The following PLCG2 variants were observed in gnomAD, a reference collection of about 807,000 sequenced individuals.
PLCG2 encodes 1-phosphatidylinositol 4,5-bisphosphate phosphodiesterase gamma-2.
A neutral mutation model predicts 175.6 loss-of-function variants in PLCG2; 69 were observed. The ratio of observed to expected loss-of-function variants is 0.39; its 90% confidence interval spans 0.32 to 0.48. PLCG2 has a LOEUF of 0.48. PLCG2 is among the 20% of genes least tolerant of loss of function. PLCG2 has a pLI of 0.91. For missense variants in PLCG2, 1,798 were observed against 1,650.9 expected (o/e 1.09, Z -1.54); for synonymous variants, 827 against 624.0 (o/e 1.33, Z -4.85).
chr16:81,742,210 A>T (rs1168797576), intron 1 of PLCG2, among the ~76,000 whole-genome samples: 1 of 151,894 alleles, frequency 6.6e-6, no homozygotes. Flanking sequence ...CCTCTCAGTC[A>T]AAAGATGACC....
intron 2 of PLCG2, among the ~76,000 whole-genome samples, chr16:81,802,892 C>A (rs946706421): frequency 3.3e-5 from 5 of 152,068 alleles, no homozygotes; most frequent in Admixed American, 6.6e-5. Flanking sequence ...TATAATGTAC[C>A]CCTTAATGTA....
In PLCG2 at chr16:81,910,599, C is replaced by G. The variant is rs1003077830; in HGVS notation, c.1813C>G (p.Leu605Val). ...GTLKYYLTDNLTFSSIYALIQ... is the reference protein window; with the variant it reads ...GTLKYYLTDNVTFSSIYALIQ... ...CCTGAAATACTACTTGACTGACAACCTCACCTTCAGCAGCATCTATGCCCT... is the reference window on the plus strand; with the variant it reads ...CCTGAAATACTACTTGACTGACAACGTCACCTTCAGCAGCATCTATGCCCT... Residue 605 changes from leucine to valine, a missense_variant, in exon 18 of 33, where the codon CTC becomes GTC. Coordinates refer to ENST00000564138, the MANE Select transcript of PLCG2 (RefSeq NM_002661.5). The G allele has an allele frequency of 1.9e-6, 3 of 1,614,034 alleles. No individual in the cohort carries two copies. The highest frequency in any genetic ancestry group is 1.7e-6 in the Non-Finnish European group (2 of 1,180,008).
At chr16:81,937,642 C>A in intron 27 of PLCG2, 116 bp from the exon 28 acceptor site, 1 of 838,574 alleles carries the variant, frequency 1.2e-6, no homozygotes, top group African/African-American at 1.7e-5. Flanking sequence ...ATTTGAACAG[C>A]TGCCTCACAT....
chr16:81,902,228 A>C (rs1909181959), intron 14 of PLCG2, among the ~76,000 whole-genome samples: 2 of 152,164 alleles, frequency 1.3e-5, no homozygotes, highest in South Asian at 4.1e-4. Context: ...AATTTTGTTG[A>C]CATTCCACGA....
Position 81,816,651 on chromosome 16 carries a change from A to ACTTTTTTTTTTT in PLCG2, c.193+30469_193+30470insCTTTTTTTTTTT, listed in dbSNP as rs1555509092. 9.1e-4 allele frequency among the ~76,000 whole-genome samples: 99 copies of ACTTTTTTTTTTT among 108,882 alleles called. 32 individuals carry two copies. The highest frequency in any genetic ancestry group is 3.3e-3 in the African/African-American group (87 of 26,506). 71.4% of individuals were successfully genotyped at this position (108,882 alleles called of 152,430 possible). ...GCACCACCATGCCCAGCTAATTTTA[A>ACTTTTTTTTTTT]TTTTTTTTTTTTTTTTTTTTTTTTT... On this transcript the variant is annotated intron_variant, in intron 2 of 32. Coordinates refer to ENST00000564138, the MANE Select transcript of PLCG2 (RefSeq NM_002661.5).
chr16:81,936,388 G>A lies in PLCG2; in HGVS notation c.3052+10G>A, dbSNP rs201110214. The A allele has an allele frequency of 2.7e-4, 439 of 1,611,076 alleles. 5 individuals are homozygous for A. The highest frequency in any genetic ancestry group is 4.0e-5 in the African/African-American group (3 of 74,968). The stretch of plus-strand genomic sequence containing the variant: ...AATTTCCAGACGGCAGGTAAAGGCC[G>A]ACTGAAGGTAGTCCCGTCCCTGCAA... On this transcript the variant is annotated intron_variant, in intron 27 of 32. Transcript: ENST00000564138.
At chr16:81,834,293 C>G (rs1597344767) in intron 2 of PLCG2, among the ~76,000 whole-genome samples, 1 of 152,282 alleles carries the variant, frequency 6.6e-6, no homozygotes, top group East Asian at 1.9e-4. Context: ...GTAGGTGTTT[C>G]TGCCCTGAAC....
intron 2 of PLCG2, chr16:81,842,588 A>C (rs1905892745): frequency 6.6e-6 from 1 of 152,134 alleles, no homozygotes; most frequent in Admixed American, 6.6e-5. Context: ...TCCAGAGAGA[A>C]ATTTTTGTTA....
At chr16:81,741,335 C>A (rs1909589941) in intron 1 of PLCG2, among the ~76,000 whole-genome samples, 1 of 152,204 alleles carries the variant, frequency 6.6e-6, no homozygotes, top group Non-Finnish European at 1.5e-5. Context: ...GCTCACACAG[C>A]CAGGAAGTAG....
At chr16:81,934,620 G>T (rs1910633207) in intron 26 of PLCG2, 89 bp downstream of exon 26, 1 of 818,332 alleles carries the variant, frequency 1.2e-6, no homozygotes, top group East Asian at 2.6e-5. Context: ...GGCAGAGAGT[G>T]CATTCTCTCA....
upstream of PLCG2, among the ~76,000 whole-genome samples, chr16:81,778,081 CA>C (rs750579549): frequency 2.0e-5 from 2 of 99,980 alleles, no homozygotes; most frequent in Non-Finnish European, 2.1e-5. Flanking sequence ...CACACACACA[CA>C]AAAAAAACGC....
At chr16:81,809,249 G>C (rs925004031) in intron 2 of PLCG2, among the ~76,000 whole-genome samples, 4 of 152,106 alleles carry the variant, frequency 2.6e-5, no homozygotes, top group African/African-American at 9.7e-5. Context: ...ATGCCTGAGG[G>C]CTTCTGCTAG....
chr16:81,927,098 G>A lies in PLCG2; in HGVS notation c.2434G>A (p.Gly812Arg). 6.2e-7 allele frequency: 1 copy of A among 1,612,866 alleles called. No homozygotes were observed. The highest frequency in any genetic ancestry group is 8.5e-7 in the Non-Finnish European group (1 of 1,178,870). ...CTTATCCAGGTGGAAAGGAGACTAT[G>A]GAACCAGGATCCAGCAGTACTTCCC... ...EPGGWWKGDY[G>R]TRIQQYFPSN... Residue 812 changes from glycine (G) to arginine (R), a missense_variant, in exon 23 of 33, where the codon GGA (glycine) becomes AGA (arginine). Physicochemically the swap from Gly to Arg is moderately radical, Grantham distance 125. Coordinates refer to ENST00000564138, the MANE Select transcript of PLCG2 (RefSeq NM_002661.5).
At chr16:81,796,091 G>T (rs904097503) in intron 2 of PLCG2, among the ~76,000 whole-genome samples, 4 of 152,236 alleles carry the variant, frequency 2.6e-5, no homozygotes, top group Non-Finnish European at 4.4e-5. Context: ...TAGGAATCCA[G>T]GAGAATGAAC....
At chr16:81,807,893 A>C (rs1904288946) in intron 2 of PLCG2, among the ~76,000 whole-genome samples, 1 of 152,118 alleles carries the variant, frequency 6.6e-6, no homozygotes, top group African/African-American at 2.4e-5. Flanking sequence ...ATCTCTCAAG[A>C]ACTCACTGAA....
Position 81,863,495 on chromosome 16 carries a change from G to C in PLCG2, c.479+4332G>C, listed in dbSNP as rs183411773. On this transcript the variant is annotated intron_variant, in intron 5 of 32. Coordinates refer to ENST00000564138, the MANE Select transcript of PLCG2 (RefSeq NM_002661.5). ...TTCCACGTTTTGGCAATTGTGAATA[G>C]TGCTGCTGCGAACATGGGTGTACAA... is the stretch of plus-strand genomic sequence containing the variant. 2.0e-4 allele frequency among the ~76,000 whole-genome samples: 31 copies of C among 152,302 alleles called. No homozygotes were observed. The East Asian group carries it at 5.8e-3, about 28-fold the overall frequency.
rs1490470559 is a variant in PLCG2, at chr16:81,900,649, G to T, written c.1231G>T (p.Val411Leu). 8.7e-6 allele frequency: 14 copies of T among 1,611,384 alleles called. No individual in the cohort carries two copies. Among genetic ancestry groups the T allele is most frequent in the African/African-American group, 5.3e-5 (4 of 74,896 alleles). ...CCTGTCCATCGAGGAGCACTGCAGC[G>T]TGGAGCAACAGCGTCACATGGCCAA... The part of the protein sequence containing the change: ...VILSIEEHCS[V>L]EQQRHMAKAF... The change falls in exon 14 of 33, where the codon GTG (valine) becomes TTG (leucine). Residue 411 changes from valine (V) to leucine (L), a missense_variant. Transcript: ENST00000564138.
chr16:81,863,077 T>C (rs973688331), intron 5 of PLCG2, among the ~76,000 whole-genome samples: 4 of 152,210 alleles, frequency 2.6e-5, no homozygotes, highest in African/African-American at 9.6e-5. Flanking sequence ...ATTTTAACCG[T>C]TCTTAGATAT....
intron 1 of PLCG2, among the ~76,000 whole-genome samples, chr16:81,782,317 A>G (rs927325556): frequency 6.6e-6 from 1 of 152,214 alleles, no homozygotes; most frequent in Non-Finnish European, 1.5e-5. Context: ...TGTATTTACA[A>G]AATAAGTCAT....
Sources: allele counts gnomAD v4.1 joint callset (sites outside exome capture counted in the v4.1 genomes callset), GRCh38; gene constraint gnomAD v4.1.1; transcripts MANE v1.5; gene names NCBI Gene and HGNC (gene_info 2026-07-23, HGNC 2026-07-21).